Variants in CHCHD3 observed in about 807,000 individuals in gnomAD.
CHCHD3 encodes the protein coiled-coil-helix-coiled-coil-helix domain containing 3, also known as MICOS complex subunit MIC19.
In CHCHD3, 20 loss-of-function variants were observed where a neutral mutation model predicts 38.2. The observed-to-expected ratio is 0.52, with a 90% CI of 0.37 to 0.76. The LOEUF (loss-of-function observed/expected upper bound fraction) is 0.76. CHCHD3 is among the 30% of genes least tolerant of loss of function. The probability of loss-of-function intolerance (pLI) is 0.00; values close to 1 mark genes in which losing one functional copy is unlikely to be tolerated. For synonymous variants in CHCHD3, 82 were observed against 100.0 expected (o/e 0.82, Z 1.07); for missense variants, 245 against 279.2 (o/e 0.88, Z 0.87).
chr7:132,993,857 G>A (rs1281375706), intron 3 of CHCHD3, among the ~76,000 whole-genome samples: 5 of 152,170 alleles, frequency 3.3e-5, no homozygotes, highest in Non-Finnish European at 7.3e-5. Flanking sequence ...CACATCTGTC[G>A]TCAGATGTGC....
chr7:132,956,260 A>G (rs1156662050), intron 4 of CHCHD3, among the ~76,000 whole-genome samples: 2 of 152,256 alleles, frequency 1.3e-5, no homozygotes, highest in Non-Finnish European at 2.9e-5. Flanking sequence ...AAATCTATCA[A>G]GCATGGTGTA....
intron 4 of CHCHD3, among the ~76,000 whole-genome samples, chr7:132,914,123 C>CGGGTGTGT (rs1810039491): frequency 7.6e-6 from 1 of 132,224 alleles, no homozygotes; most frequent in African/African-American, 2.9e-5. Context: ...CCATGCCTGG[C>CGGGTGTGT]GTGTGTGTGT....
chr7:133,063,896 C>T (rs1861934), intron 2 of CHCHD3, among the ~76,000 whole-genome samples: 5,390 of 152,226 alleles, frequency 0.035, 315 homozygotes, highest in African/African-American at 0.12. Flanking sequence ...TGTGTGCTAA[C>T]TCTACCAGGA....
chr7:132,953,785 T>G (rs965568299), intron 4 of CHCHD3, among the ~76,000 whole-genome samples: 2 of 152,174 alleles, frequency 1.3e-5, no homozygotes, highest in East Asian at 3.9e-4. Flanking sequence ...AGACTGTATT[T>G]TACTCAAACA....
chr7:132,960,105 TTC>T (rs1811279596), intron 4 of CHCHD3, among the ~76,000 whole-genome samples: 1 of 152,144 alleles, frequency 6.6e-6, no homozygotes, highest in African/African-American at 2.4e-5. Flanking sequence ...ACTAAAAGAT[TTC>T]TGTCAGGGTG....
rs181181586 is a variant in CHCHD3, at chr7:132,821,325, T to G, written c.524+17074A>C. On this transcript the variant is annotated intron_variant, in intron 6 of 7. Transcript: ENST00000262570. ...ATTACCATTTCACAGATATAAAATC[T>G]AAGACTGTGGGGTTTGGGTGGGGTG... is the stretch of plus-strand genomic sequence containing the variant. 3.9e-5 allele frequency among the ~76,000 whole-genome samples: 6 copies of G among 152,294 alleles called. No homozygotes were observed. The South Asian group carries it at 6.2e-4, about 16-fold the overall frequency.
Position 133,068,354 on chromosome 7 carries a change from G to A in CHCHD3, c.169+1788C>T, listed in dbSNP as rs148176032. Among the ~76,000 whole-genome samples, 166 of 152,290 alleles carry A rather than the reference G, an allele frequency of 1.1e-3. 1 individual carries two copies. The highest frequency in any genetic ancestry group is 3.9e-3 in the African/African-American group (161 of 41,546). On this transcript the variant is annotated intron_variant, in intron 2 of 7. Coordinates refer to ENST00000262570, the MANE Select transcript of CHCHD3 (RefSeq NM_017812.4). ...CAAACAAATGAGGAATAAGGTCCCT[G>A]GAGCTTCTCTTCTAGTGAAGATAGC...
chr7:132,962,553 T>G (rs1287300020), intron 4 of CHCHD3, among the ~76,000 whole-genome samples: 1 of 152,182 alleles, frequency 6.6e-6, no homozygotes, highest in African/African-American at 2.4e-5. Context: ...TCAAAAATTG[T>G]CAAAAAATAG....
At chr7:132,954,311 T>C (rs907839199) in intron 4 of CHCHD3, among the ~76,000 whole-genome samples, 10 of 152,162 alleles carry the variant, frequency 6.6e-5, no homozygotes, top group Admixed American at 2.0e-4. Flanking sequence ...GCTATTCTAC[T>C]GAATGAATCG....
chr7:132,885,265 C>G (rs1205907774), intron 5 of CHCHD3, among the ~76,000 whole-genome samples: 1 of 151,474 alleles, frequency 6.6e-6, no homozygotes, highest in Non-Finnish European at 1.5e-5. Context: ...AAGAAAAAAG[C>G]AAAAAAAGAA....
intron 1 of CHCHD3, 31 bp from the exon 2 acceptor site, chr7:133,070,260 T>G: frequency 6.3e-7 from 1 of 1,576,906 alleles, no homozygotes; most frequent in South Asian, 1.1e-5. Flanking sequence ...TAAAATCAAT[T>G]ATAAAACAGC....
At chr7:133,001,524 T>G (rs547326333) in intron 3 of CHCHD3, among the ~76,000 whole-genome samples, 96 of 152,236 alleles carry the variant, frequency 6.3e-4, no homozygotes, top group Non-Finnish European at 1.1e-3. Context: ...CTAAGTTGTT[T>G]TTTTTAATTA....
At chr7:132,915,348 G>A (rs1003834044) in intron 4 of CHCHD3, among the ~76,000 whole-genome samples, 26 of 152,114 alleles carry the variant, frequency 1.7e-4, no homozygotes, top group Non-Finnish European at 2.4e-4. Flanking sequence ...AACACAGGCC[G>A]GGAACCATAA....
intron 5 of CHCHD3, among the ~76,000 whole-genome samples, chr7:132,860,278 G>T (rs1381045361): frequency 6.8e-6 from 1 of 146,206 alleles, no homozygotes; most frequent in African/African-American, 2.6e-5. Context: ...AAAATAAACA[G>T]ATTTTTTTTT....
At chr7:132,930,835 C>T (rs1410612149) in intron 4 of CHCHD3, among the ~76,000 whole-genome samples, 4 of 152,174 alleles carry the variant, frequency 2.6e-5, no homozygotes, top group African/African-American at 9.7e-5. Flanking sequence ...TTTCAAATCC[C>T]TATGCCCCTT....
At chr7:133,057,114 G>C in intron 2 of CHCHD3, among the ~76,000 whole-genome samples, 1 of 152,206 alleles carries the variant, frequency 6.6e-6, no homozygotes, top group Non-Finnish European at 1.5e-5. Context: ...TTGCAATTGG[G>C]TCTGGTTCGG....
chr7:132,879,565 G>A (rs1350060149), intron 5 of CHCHD3, among the ~76,000 whole-genome samples: 2 of 151,862 alleles, frequency 1.3e-5, no homozygotes, highest in South Asian at 2.1e-4. Context: ...GGGAGACTGT[G>A]GCTTCTGCCC....
intron 3 of CHCHD3, among the ~76,000 whole-genome samples, chr7:132,975,509 T>C (rs561686426): frequency 1.7e-4 from 26 of 152,306 alleles, no homozygotes; most frequent in Middle Eastern, 3.4e-3. Flanking sequence ...TGAAGAAGCT[T>C]ATTAATTTGG....
At chr7:133,063,689 C>A (rs1292484265) in intron 2 of CHCHD3, among the ~76,000 whole-genome samples, 1 of 152,110 alleles carries the variant, frequency 6.6e-6, no homozygotes, top group African/African-American at 2.4e-5. Context: ...AGCACTATAT[C>A]TTTACGAATA....
Sources: gnomAD v4.1 joint callset for allele counts (sites outside exome capture counted in the v4.1 genomes callset) on GRCh38, gnomAD v4.1.1 for gene constraint, MANE v1.5 for transcripts, NCBI Gene and HGNC (gene_info 2026-07-23, HGNC 2026-07-21) for gene names.